The following FSHR variants were observed in gnomAD, a reference collection of about 807,000 sequenced individuals.
The protein encoded by FSHR is follicle stimulating hormone receptor.
FSHR carries 46 observed loss-of-function variants against 52.1 expected under a neutral mutation model. The ratio of observed to expected loss-of-function variants is 0.88; its 90% CI spans 0.70 to 1.13. FSHR has a LOEUF of 1.13. Ranked by LOEUF, FSHR falls within the 50% of genes most tolerant of loss-of-function variation. The probability of loss-of-function intolerance (pLI) is 0.00; values close to 1 mark genes in which losing one functional copy is unlikely to be tolerated. For missense variants in FSHR, 964 were observed against 834.6 expected (o/e 1.16, Z -1.91); for synonymous variants, 399 against 309.6 (o/e 1.29, Z -3.03).
At chr2:49,117,338 G>C (rs1388523107) in intron 1 of FSHR, among the ~76,000 whole-genome samples, 1 of 152,202 alleles carries the variant, frequency 6.6e-6, no homozygotes, top group Non-Finnish European at 1.5e-5. Flanking sequence ...AACCTCTCTA[G>C]TGAATGGGAC....
intron 1 of FSHR, among the ~76,000 whole-genome samples, chr2:49,127,885 TCTTC>T (rs1672115238): frequency 2.1e-5 from 1 of 46,530 alleles, no homozygotes; most frequent in Admixed American, 2.7e-4. Flanking sequence ...TTCTTCTTCT[TCTTC>T]TTCTTCTTCT....
chr2:49,137,838 A>G (rs1401028500), intron 1 of FSHR, among the ~76,000 whole-genome samples: 2 of 152,160 alleles, frequency 1.3e-5, no homozygotes, highest in East Asian at 3.8e-4. Context: ...AGCTAAAATT[A>G]TAAAACTCTC....
At chr2:48,984,248 A>C (rs865789025) in intron 6 of FSHR, among the ~76,000 whole-genome samples, 1 of 152,170 alleles carries the variant, frequency 6.6e-6, no homozygotes, top group African/African-American at 2.4e-5. Flanking sequence ...GGGCGAGGCA[A>C]ATCTTTTAAA....
At chr2:49,145,157 G>A (rs1179844631) in intron 1 of FSHR, among the ~76,000 whole-genome samples, 2 of 152,072 alleles carry the variant, frequency 1.3e-5, no homozygotes, top group Admixed American at 6.6e-5. Context: ...AAACGGTGAA[G>A]TTGGCAAAGA....
chr2:49,001,374 C>G (rs1450521208), intron 4 of FSHR, among the ~76,000 whole-genome samples: 1 of 152,118 alleles, frequency 6.6e-6, no homozygotes, highest in Non-Finnish European at 1.5e-5. Flanking sequence ...GCTCCCCTGC[C>G]TCTTGGTGAT....
chr2:49,073,648 C>T (rs1669837074), intron 1 of FSHR, among the ~76,000 whole-genome samples: 1 of 151,970 alleles, frequency 6.6e-6, no homozygotes. Flanking sequence ...TCAATGCAAT[C>T]CCTATCAAAA....
chr2:49,140,616 C>G (rs537554752), intron 1 of FSHR, among the ~76,000 whole-genome samples: 2 of 151,948 alleles, frequency 1.3e-5, no homozygotes, highest in Non-Finnish European at 2.9e-5. Context: ...AGGAGAATCA[C>G]TTGAACCCAA....
chr2:49,101,859 A>G (rs1406395846), intron 1 of FSHR, among the ~76,000 whole-genome samples: 1 of 152,120 alleles, frequency 6.6e-6, no homozygotes, highest in Non-Finnish European at 1.5e-5. Context: ...GGGACTCTGT[A>G]GAGTCCGAAG....
intron 2 of FSHR, among the ~76,000 whole-genome samples, chr2:49,053,391 T>G (rs1668939972): frequency 6.6e-6 from 1 of 152,212 alleles, no homozygotes; most frequent in African/African-American, 2.4e-5. Context: ...ATAATTTTTC[T>G]GGTTACCATA....
intron 9 of FSHR, among the ~76,000 whole-genome samples, chr2:48,965,584 A>T (rs1348859411): frequency 6.6e-6 from 1 of 152,178 alleles, no homozygotes; most frequent in Admixed American, 6.5e-5. Flanking sequence ...TTGCAGCCTG[A>T]TTCCAGGAAG....
chr2:49,036,013 C>G (rs568997498), intron 2 of FSHR, among the ~76,000 whole-genome samples: 1 of 152,220 alleles, frequency 6.6e-6, no homozygotes, highest in Non-Finnish European at 1.5e-5. Context: ...TACTCCCTTT[C>G]TTTCTTCTCA....
intron 2 of FSHR, among the ~76,000 whole-genome samples, chr2:49,064,417 T>G (rs1448660322): frequency 6.6e-6 from 1 of 152,082 alleles, no homozygotes; most frequent in Non-Finnish European, 1.5e-5. Context: ...TTCTCTCTCT[T>G]CTCCTCTTCT....
At chr2:49,100,540 C>T (rs1670988235) in intron 1 of FSHR, among the ~76,000 whole-genome samples, 3 of 152,248 alleles carry the variant, frequency 2.0e-5, no homozygotes, top group Non-Finnish European at 2.9e-5. Context: ...CTTTGTGTTT[C>T]TCCCAAAACC....
chr2:49,022,191 C>T (rs891955408), intron 2 of FSHR, among the ~76,000 whole-genome samples: 8 of 152,120 alleles, frequency 5.3e-5, no homozygotes, highest in African/African-American at 1.9e-4. Flanking sequence ...TACATTTGGT[C>T]ACCACTCGTA....
chr2:49,064,136 G>A (rs990202891), intron 2 of FSHR, among the ~76,000 whole-genome samples: 11 of 151,750 alleles, frequency 7.2e-5, no homozygotes, highest in African/African-American at 2.2e-4. Flanking sequence ...AATCAGTTAT[G>A]AATTTAGAAA....
intron 2 of FSHR, among the ~76,000 whole-genome samples, chr2:49,020,980 A>T (rs1667676238): frequency 6.6e-6 from 1 of 152,120 alleles, no homozygotes; most frequent in Admixed American, 6.6e-5. Context: ...AAAAATAGCT[A>T]ATGCATGCTG....
chr2:49,140,434 C>T (rs1420519587), intron 1 of FSHR, among the ~76,000 whole-genome samples: 1 of 152,160 alleles, frequency 6.6e-6, no homozygotes, highest in Non-Finnish European at 1.5e-5. Flanking sequence ...GATATCAGCT[C>T]TATGCTTTCT....
At position 49,119,017 on chromosome 2, in the gene FSHR, C is replaced by T. The variant is rs140602785; in HGVS notation, c.152+35249G>A. Among the ~76,000 whole-genome samples the T allele has an allele frequency of 6.3e-3, 959 of 152,268 alleles. 7 individuals carry two copies. Among genetic ancestry groups the T allele is most frequent in the Middle Eastern group, 0.01 (3 of 294 alleles). ...TTCCTTCTTGTGATGGTGTCAAGAG[C>T]CTAGACACCAACAGGATCCAGGTCC... On this transcript the variant is annotated intron_variant, in intron 1 of 9. Coordinates refer to ENST00000406846, the MANE Select transcript of FSHR (RefSeq NM_000145.4).
intron 2 of FSHR, among the ~76,000 whole-genome samples, chr2:49,036,040 A>G (rs78675204): frequency 0.018 from 2,739 of 152,304 alleles, 84 homozygotes; most frequent in African/African-American, 0.062. Context: ...TGATCGATAC[A>G]TGGATAGGTA....
Sources: allele counts gnomAD v4.1 joint callset (sites outside exome capture counted in the v4.1 genomes callset), GRCh38; gene constraint gnomAD v4.1.1; transcripts MANE v1.5; gene names NCBI Gene and HGNC (gene_info 2026-07-23, HGNC 2026-07-21).